Variants in ACSF3 observed in about 807,000 individuals in gnomAD.
ACSF3 encodes acyl-CoA synthetase family member 3, also known as malonate--CoA ligase ACSF3, mitochondrial.
Under a neutral mutation model 53.2 loss-of-function variants are expected in ACSF3, and 78 were observed. That is an observed-to-expected ratio of 1.47 (90% CI 1.22 to 1.77). The LOEUF (loss-of-function observed/expected upper bound fraction) is 1.77, where lower values mean the gene tolerates loss of function less well. Among genes scored for constraint, ACSF3 ranks in the 40% most tolerant of loss-of-function variants. The probability of loss-of-function intolerance (pLI) is 0.00; values close to 1 mark genes in which losing one functional copy is unlikely to be tolerated. For missense variants in ACSF3, 937 were observed against 771.1 expected, an observed-to-expected ratio of 1.22 and a Z score of -2.55; for synonymous variants, 414 against 333.1, an observed-to-expected ratio of 1.24 and a Z score of -2.65.
chr16:89,123,287 G>A (rs1907107640), intron 7 of ACSF3, among the ~76,000 whole-genome samples: 1 of 152,178 alleles, frequency 6.6e-6, no homozygotes, highest in Middle Eastern at 3.2e-3. Flanking sequence ...ACAACCAGGT[G>A]ATGATGGGCG....
At position 89,101,320 on chromosome 16, in the gene ACSF3, G is replaced by A. The variant is rs1356522386; in HGVS notation, c.639G>A (p.Leu213=). The A allele has an allele frequency of 1.9e-6, 3 of 1,595,310 alleles. No homozygotes were observed. The highest frequency in any genetic ancestry group is 2.6e-6 in the Non-Finnish European group (3 of 1,171,556). The change falls in exon 3 of 11, where the codon CTG becomes CTA. Residue 213 remains leucine, a synonymous_variant. Transcript: ENST00000614302. ...CCACGGGGAGGCCCAAGGGCGTGCT[G>A]AGCACGCACCAAAACATCAGGGCTG... ...SGTTGRPKGV[L]STHQNIRAVV... is the part of the protein sequence containing the mutation.
rs1914615516 is a variant in ACSF3, at chr16:89,155,433, C to T, written c.*1226C>T. Reference sequence around the variant, plus strand: ...TTGGACGTGGCCTGGGGCCCCTGCTCACTTGAGCATGTCGCCCACCAAGCT... The same window carrying T: ...TTGGACGTGGCCTGGGGCCCCTGCTTACTTGAGCATGTCGCCCACCAAGCT... On this transcript the variant is annotated 3_prime_UTR_variant, in exon 11 of 11. Coordinates refer to ENST00000614302, the MANE Select transcript of ACSF3 (RefSeq NM_001243279.3). 1 of 454,034 alleles carries T rather than the reference C, an allele frequency of 2.2e-6. No individual in the cohort carries two copies. Among genetic ancestry groups the T allele is most frequent in the South Asian group, 1.6e-5 (1 of 64,482 alleles). 28.1% of individuals were successfully genotyped at this position (454,034 alleles called of 1,614,324 possible). A position where few individuals can be genotyped will look rare whatever the true frequency, so the allele number is the denominator to read the frequency against.
At chr16:89,137,555 C>G (rs1910852808) in intron 8 of ACSF3, among the ~76,000 whole-genome samples, 1 of 138,746 alleles carries the variant, frequency 7.2e-6, no homozygotes, top group Admixed American at 7.1e-5. Context: ...GGGGAAGAGC[C>G]CCAGGTCTCG....
At position 89,101,325 on chromosome 16, in the gene ACSF3, C is replaced by G; in HGVS notation, c.644C>G (p.Thr215Arg). 1 of 1,592,792 alleles carries G rather than the reference C, an allele frequency of 6.3e-7. No individual in the cohort carries two copies. Among genetic ancestry groups the G allele is most frequent in the South Asian group, 1.1e-5 (1 of 88,406 alleles). Residue 215 changes from threonine (T) to arginine (R), a missense_variant, in exon 3 of 11, where the codon ACG becomes AGG. Thr to Arg is a moderately conservative substitution (Grantham distance 71). Coordinates refer to ENST00000614302, the MANE Select transcript of ACSF3 (RefSeq NM_001243279.3). Reference protein sequence around the residue: ...TTGRPKGVLSTHQNIRAVVTG... With the variant: ...TTGRPKGVLSRHQNIRAVVTG... ...GGGAGGCCCAAGGGCGTGCTGAGCA[C>G]GCACCAAAACATCAGGGCTGTGGTG...
intron 8 of ACSF3, among the ~76,000 whole-genome samples, chr16:89,140,802 A>G (rs1005184749): frequency 6.6e-6 from 1 of 152,206 alleles, no homozygotes; most frequent in Non-Finnish European, 1.5e-5. Flanking sequence ...AAATCTGAGT[A>G]TTGGAAGATT....
In ACSF3 at chr16:89,145,958, C is replaced by T. The variant is rs1156909065; in HGVS notation, c.1522C>T (p.Pro508Ser). Residue 508 changes from proline (P) to serine (S), a missense_variant, in exon 10 of 11, where the codon CCG (proline) becomes TCG (serine). Pro to Ser is a moderately conservative substitution (Grantham distance 74). Transcript: ENST00000614302. ...CGCAGATGTGGCTGTGATTGGAGTT[C>T]CGGATATGACATGGGGCCAGCGGGT... Reference protein sequence around the residue: ...SITDVAVIGVPDMTWGQRVTA... With the variant: ...SITDVAVIGVSDMTWGQRVTA... 3 of 1,614,040 alleles carry T rather than the reference C, an allele frequency of 1.9e-6. No individual in the cohort carries two copies. The Admixed American group carries it at 5.0e-5, about 27-fold the overall frequency.
At chr16:89,135,828 G>A (rs1177571085) in intron 8 of ACSF3, among the ~76,000 whole-genome samples, 3 of 152,266 alleles carry the variant, frequency 2.0e-5, no homozygotes, top group South Asian at 2.1e-4. Context: ...AGTCTGCAGT[G>A]CAGTGGCACG....
chr16:89,094,229 T>G (rs1974344095), intron 1 of ACSF3, among the ~76,000 whole-genome samples: 1 of 151,730 alleles, frequency 6.6e-6, no homozygotes, highest in Non-Finnish European at 1.5e-5. Flanking sequence ...AGAGAAGCTG[T>G]GCGGACGCCG....
chr16:89,125,573 C>A (rs1292072726), intron 7 of ACSF3, among the ~76,000 whole-genome samples: 1 of 151,972 alleles, frequency 6.6e-6, no homozygotes, highest in Non-Finnish European at 1.5e-5. Flanking sequence ...CGCCTGTAAT[C>A]CCAGCTACTC....
chr16:89,102,852 C>T (rs940170644), intron 4 of ACSF3, 93 bp downstream of exon 4: 90 of 1,542,150 alleles, frequency 5.8e-5, no homozygotes, highest in Non-Finnish European at 7.2e-5. Context: ...TCAGCCTAAG[C>T]GCCTTTCGCT....
In ACSF3 at chr16:89,114,394, A is replaced by T. The variant is rs1904675651; in HGVS notation, c.1033A>T (p.Asn345Tyr). The T allele has an allele frequency of 6.2e-7, 1 of 1,613,970 alleles. No individual in the cohort carries two copies. The highest frequency in any genetic ancestry group is 1.3e-5 in the African/African-American group (1 of 74,948). Residue 345 changes from asparagine to tyrosine, a missense_variant, in exon 6 of 11, where the codon AAC (asparagine) becomes TAC (tyrosine). Physicochemically the swap from Asn to Tyr is moderately radical, Grantham distance 143 (BLOSUM62 -2). Transcript: ENST00000614302. ...LPLPVLEKWK[N>Y]ITGHTLLERY... is the part of the protein sequence containing the mutation. ...CCTCCCAGTGCTGGAGAAGTGGAAG[A>T]ACATCACGGGCCACACCCTGCTGGA...
At chr16:89,136,178 G>A (rs1910422299) in intron 8 of ACSF3, among the ~76,000 whole-genome samples, 1 of 152,264 alleles carries the variant, frequency 6.6e-6, no homozygotes, top group Non-Finnish European at 1.5e-5. Context: ...GGCTCCCGGA[G>A]CCGCTGGGAG....
At chr16:89,131,025 T>C (rs1259628150) in intron 7 of ACSF3, among the ~76,000 whole-genome samples, 2 of 152,082 alleles carry the variant, frequency 1.3e-5, no homozygotes, top group Non-Finnish European at 2.9e-5. Context: ...TTTTAAATTA[T>C]TGTTTGGTTC....
At chr16:89,131,570 TG>T (rs1909333293) in intron 7 of ACSF3, among the ~76,000 whole-genome samples, 1 of 152,092 alleles carries the variant, frequency 6.6e-6, no homozygotes, top group Non-Finnish European at 1.5e-5. Context: ...ATGTTAGGGA[TG>T]AGATTCTTGG....
At chr16:89,135,481 A>C (rs920531758) in intron 8 of ACSF3, among the ~76,000 whole-genome samples, 1 of 152,258 alleles carries the variant, frequency 6.6e-6, no homozygotes, top group African/African-American at 2.4e-5. Context: ...AGGCTTCCCA[A>C]GGTACCCTGG....
intron 8 of ACSF3, among the ~76,000 whole-genome samples, chr16:89,135,066 T>C (rs1388672765): frequency 1.3e-5 from 2 of 149,272 alleles, no homozygotes; most frequent in African/African-American, 2.5e-5. Flanking sequence ...GTTTTTCTTT[T>C]CCTGGTTTTT....
At chr16:89,120,941 G>T in intron 7 of ACSF3, 28 bp downstream of exon 7, 1 of 1,600,570 alleles carries the variant, frequency 6.2e-7, no homozygotes, top group Non-Finnish European at 8.6e-7. Context: ...TGGCAGGTGG[G>T]CGGCCGTGTG....
At chr16:89,114,282 T>A in intron 5 of ACSF3, 57 bp from the exon 6 acceptor site, 1 of 1,608,942 alleles carries the variant, frequency 6.2e-7, no homozygotes, top group Non-Finnish European at 8.5e-7. Flanking sequence ...CCTGCCACCT[T>A]TGCACGCGAG....
At chr16:89,130,037 T>C (rs973078056) in intron 7 of ACSF3, among the ~76,000 whole-genome samples, 4 of 152,222 alleles carry the variant, frequency 2.6e-5, no homozygotes, top group Middle Eastern at 3.2e-3. Context: ...TCAACTTCAT[T>C]CATCCAAATA....
Sources: allele counts gnomAD v4.1 joint callset (sites outside exome capture counted in the v4.1 genomes callset), GRCh38; gene constraint gnomAD v4.1.1; transcripts MANE v1.5; gene names NCBI Gene and HGNC (gene_info 2026-07-23, HGNC 2026-07-21).